The following LRRC9 variants were observed in gnomAD, a reference collection of about 807,000 sequenced individuals.
LRRC9 encodes the protein leucine rich repeat containing 9, also known as leucine-rich repeat-containing protein 9.
A neutral mutation model predicts 63.2 loss-of-function variants in LRRC9; 122 were observed. That is an observed-to-expected ratio of 1.93 (90% CI 1.67 to 2.24). LRRC9 has a LOEUF of 2.24. LRRC9 is among the 30% of genes most tolerant of loss of function. The probability of loss-of-function intolerance (pLI) is 0.00; values close to 1 mark genes in which losing one functional copy is unlikely to be tolerated. For synonymous variants in LRRC9, 366 were observed against 213.1 expected, an observed-to-expected ratio of 1.72 and a Z score of -6.25; for missense variants, 1,071 against 627.7, an observed-to-expected ratio of 1.71 and a Z score of -7.55.
At chr14:59,967,819 G>T (rs956672780) in intron 12 of LRRC9, among the ~76,000 whole-genome samples, 2 of 152,090 alleles carry the variant, frequency 1.3e-5, no homozygotes, top group African/African-American at 4.8e-5. Flanking sequence ...TTTGGATCCC[G>T]ATTTCACTCC....
chr14:60,002,599 A>C (rs219370), intron 20 of LRRC9, among the ~76,000 whole-genome samples: 111,709 of 152,032 alleles, frequency 0.73, 43,577 homozygotes, highest in Non-Finnish European at 0.87. Flanking sequence ...CAGAGTTGGA[A>C]AAAATAAAAA....
At chr14:59,948,353 A>G (rs1367015612) in intron 8 of LRRC9, among the ~76,000 whole-genome samples, 8 of 144,620 alleles carry the variant, frequency 5.5e-5, no homozygotes, top group African/African-American at 1.6e-4. Context: ...TTTGTACATT[A>G]ATTTTGTATC....
At chr14:60,057,304 C>T (rs559003252) in intron 30 of LRRC9, among the ~76,000 whole-genome samples, 1 of 152,106 alleles carries the variant, frequency 6.6e-6, no homozygotes, top group African/African-American at 2.4e-5. Context: ...TTACAAAAGC[C>T]CCTTAATCCT....
At chr14:60,055,904 T>C (rs1894247627) in intron 30 of LRRC9, among the ~76,000 whole-genome samples, 1 of 55,702 alleles carries the variant, frequency 1.8e-5, no homozygotes, top group African/African-American at 4.7e-5. Context: ...GACCCTGTCT[T>C]GGAAAAAAAA....
At chr14:60,047,897 AAC>A (rs1893568930) in intron 29 of LRRC9, among the ~76,000 whole-genome samples, 1 of 152,206 alleles carries the variant, frequency 6.6e-6, no homozygotes, top group South Asian at 2.1e-4. Context: ...TCGGAAGTCA[AAC>A]ACTCCTCAGC....
intron 12 of LRRC9, among the ~76,000 whole-genome samples, chr14:59,973,855 G>T (rs932514760): frequency 2.0e-5 from 3 of 152,094 alleles, no homozygotes; most frequent in Admixed American, 6.6e-5. Flanking sequence ...AAATAATTTG[G>T]CTATTAATGT....
intron 23 of LRRC9, 62 bp from the exon 24 acceptor site, chr14:60,016,598 G>C (rs1890703399): frequency 4.8e-6 from 3 of 625,580 alleles, no homozygotes; most frequent in Non-Finnish European, 8.8e-6. Context: ...CCTAAAACCA[G>C]AGAACTATGT....
intron 30 of LRRC9, among the ~76,000 whole-genome samples, chr14:60,054,751 G>C (rs1220674480): frequency 6.6e-6 from 1 of 151,780 alleles, no homozygotes; most frequent in East Asian, 1.9e-4. Context: ...ATATCAATTA[G>C]ACAATGATTC....
intron 1 of LRRC9, among the ~76,000 whole-genome samples, chr14:59,920,733 T>G (rs1888700702): frequency 6.6e-6 from 1 of 152,194 alleles, no homozygotes; most frequent in Non-Finnish European, 1.5e-5. Flanking sequence ...CAGAATGACA[T>G]CCTAACCAAC....
chr14:59,934,146 G>T (rs933385688), intron 6 of LRRC9, among the ~76,000 whole-genome samples: 1 of 151,614 alleles, frequency 6.6e-6, no homozygotes, highest in African/African-American at 2.4e-5. Context: ...GAAAAAAAAA[G>T]AAAAAAAGAA....
intron 23 of LRRC9, among the ~76,000 whole-genome samples, chr14:60,014,810 G>A (rs1347905241): frequency 6.6e-6 from 1 of 152,022 alleles, no homozygotes; most frequent in African/African-American, 2.4e-5. Context: ...TCTTTTGCCA[G>A]ATTTGGAAGA....
chr14:60,003,863 AC>A lies in LRRC9; in HGVS notation c.2842+68del. 1.9e-6 allele frequency: 1 copy of A among 534,398 alleles called. No individual in the cohort carries two copies. Among genetic ancestry groups the A allele is most frequent in the Non-Finnish European group, 3.3e-6 (1 of 304,534 alleles). 33.1% of individuals were successfully genotyped at this position (534,398 alleles called of 1,614,324 possible). A position where few individuals can be genotyped will look rare whatever the true frequency, so the allele number is the denominator to read the frequency against. ...TGTCTAAACAACAAAGCAAAAAATA[AC>A]CCTGGGAACAGAGTTTCTGAAGAGG... On this transcript the variant is annotated intron_variant, in intron 21 of 31. Coordinates refer to ENST00000445360, the Ensembl canonical transcript of LRRC9. The surrounding 1 kb of genome is among the most constrained non-coding windows in gnomAD (Gnocchi z 4.2).
chr14:60,065,459 C>T (rs1298645295), downstream of LRRC9, among the ~76,000 whole-genome samples: 1 of 150,976 alleles, frequency 6.6e-6, no homozygotes, highest in Non-Finnish European at 1.5e-5. Context: ...ACCAGCCTGG[C>T]CAACAAGGCA....
At chr14:60,000,722 G>C (rs960760084) in intron 19 of LRRC9, among the ~76,000 whole-genome samples, 3 of 152,038 alleles carry the variant, frequency 2.0e-5, no homozygotes, top group African/African-American at 7.2e-5. Context: ...GAATAATTTA[G>C]TAGGCAAGAA....
intron 8 of LRRC9, among the ~76,000 whole-genome samples, chr14:59,955,174 G>A (rs1001273476): frequency 6.6e-6 from 1 of 152,174 alleles, no homozygotes; most frequent in East Asian, 1.9e-4. Context: ...AGTTAGGGAG[G>A]AGTCCCTCTT....
At chr14:60,010,983 T>A (rs1890215035) in intron 23 of LRRC9, among the ~76,000 whole-genome samples, 1 of 152,188 alleles carries the variant, frequency 6.6e-6, no homozygotes, top group Non-Finnish European at 1.5e-5. Flanking sequence ...TCCAAACTGT[T>A]CCAACCTCTG....
At chr14:59,945,423 G>A (rs768088697) in intron 8 of LRRC9, among the ~76,000 whole-genome samples, 8 of 151,826 alleles carry the variant, frequency 5.3e-5, no homozygotes, top group African/African-American at 2.4e-5. Context: ...TGGAGAGTTG[G>A]CTCCTTCATT....
intron 12 of LRRC9, among the ~76,000 whole-genome samples, chr14:59,972,225 C>T (rs1251049229): frequency 6.6e-6 from 1 of 152,128 alleles, no homozygotes; most frequent in Admixed American, 6.6e-5. Context: ...TCAAGGGTTT[C>T]TTCTTTTGTG....
intron 13 of LRRC9, among the ~76,000 whole-genome samples, chr14:59,975,290 C>T (rs1454061516): frequency 6.7e-6 from 1 of 150,040 alleles, no homozygotes; most frequent in Non-Finnish European, 1.5e-5. Context: ...CTTATTTGTC[C>T]TGAATCATCA....
Sources: gnomAD v4.1 joint callset for allele counts (sites outside exome capture counted in the v4.1 genomes callset) on GRCh38, gnomAD v4.1.1 for gene constraint, Gnocchi (gnomAD v3.1) non-coding constraint, MANE v1.5 for transcripts, NCBI Gene and HGNC (gene_info 2026-07-23, HGNC 2026-07-21) for gene names.